Variants in ZC3H12B observed in about 807,000 individuals in gnomAD.
ZC3H12B encodes the protein probable ribonuclease ZC3H12B.
ZC3H12B carries 7 observed loss-of-function variants against 43.9 expected under a neutral mutation model. The observed-to-expected ratio is 0.16, with a 90% CI of 0.09 to 0.30. The LOEUF (loss-of-function observed/expected upper bound fraction) is 0.30. ZC3H12B is among the 10% of genes least tolerant of loss of function. The probability of loss-of-function intolerance (pLI) is 1.00; values close to 1 mark genes in which losing one functional copy is unlikely to be tolerated. For synonymous variants in ZC3H12B, 222 were observed against 241.7 expected (o/e 0.92, Z 0.76); for missense variants, 475 against 670.2 (o/e 0.71, Z 3.22).
the ZC3H12B span, among the ~76,000 whole-genome samples, chrX:65,322,353 T>C: frequency 8.9e-6 from 1 of 112,171 alleles, no homozygotes; most frequent in African/African-American, 3.2e-5. Flanking sequence ...ATATTGGAAA[T>C]TAAATTTCCA....
At chrX:65,453,076 A>G (rs1483357381) in intron 3 of ZC3H12B, among the ~76,000 whole-genome samples, 6 of 109,189 alleles carry the variant, frequency 5.5e-5, no homozygotes, top group African/African-American at 2.0e-4. Context: ...AATCTGCTGG[A>G]GGCATCACAT....
chrX:65,376,328 C>A (rs2066345614), intron 2 of ZC3H12B, among the ~76,000 whole-genome samples: 1 of 111,886 alleles, frequency 8.9e-6, no homozygotes, highest in Non-Finnish European at 1.9e-5. Context: ...TTCTGGACTG[C>A]CCTGGTACTG....
the ZC3H12B span, chrX:65,331,355 G>A: frequency 3.6e-5 from 4 of 111,311 alleles, no homozygotes; most frequent in Non-Finnish European, 7.5e-5. Flanking sequence ...TGAAATTGGA[G>A]AGCATTGAGA....
chrX:65,488,820 G>T, exon 1 of ZC3H12B: 5 of 1,200,499 alleles, frequency 4.2e-6, no homozygotes, highest in Non-Finnish European at 3.4e-6. Context: ...CACAGCTGAG[G>T]TAGAGACACC....
intron 2 of ZC3H12B, among the ~76,000 whole-genome samples, chrX:65,396,122 T>A (rs989311057): frequency 8.9e-6 from 1 of 111,752 alleles, no homozygotes. Flanking sequence ...GTTAATCTTT[T>A]CAAAAAACCA....
At chrX:65,458,933 A>G (rs761306272) in intron 3 of ZC3H12B, among the ~76,000 whole-genome samples, 29 of 111,424 alleles carry the variant, frequency 2.6e-4, no homozygotes, top group Middle Eastern at 4.6e-3. Context: ...TGGTTTTTTG[A>G]AAAGATCAAC....
At chrX:65,163,135 C>G in the ZC3H12B span, among the ~76,000 whole-genome samples, 6 of 110,587 alleles carry the variant, frequency 5.4e-5, no homozygotes, top group South Asian at 3.9e-4. Context: ...GAAGTTTTGT[C>G]TCAGAGGAAT....
At chrX:65,190,091 A>G in the ZC3H12B span, among the ~76,000 whole-genome samples, 1 of 111,429 alleles carries the variant, frequency 9.0e-6, no homozygotes, top group East Asian at 2.8e-4. Context: ...CAGGTTTGTC[A>G]AAGATCAGAT....
the ZC3H12B span, among the ~76,000 whole-genome samples, chrX:65,351,416 T>C: frequency 8.9e-6 from 1 of 112,044 alleles, no homozygotes; most frequent in African/African-American, 3.2e-5. Flanking sequence ...GGCAAAGACT[T>C]CATGTCTAAA....
intron 2 of ZC3H12B, among the ~76,000 whole-genome samples, chrX:65,377,745 C>G (rs1480612375): frequency 9.0e-6 from 1 of 111,402 alleles, no homozygotes; most frequent in Non-Finnish European, 1.9e-5. Flanking sequence ...CACACTTACC[C>G]TACATCAAAT....
chrX:65,414,977 T>A (rs777529734), intron 3 of ZC3H12B, among the ~76,000 whole-genome samples: 1 of 112,315 alleles, frequency 8.9e-6, no homozygotes, highest in African/African-American at 3.2e-5. Flanking sequence ...CCTAAGAACA[T>A]GTGCCCAACA....
At chrX:65,158,402 G>A in the ZC3H12B span, among the ~76,000 whole-genome samples, 21 of 111,450 alleles carry the variant, frequency 1.9e-4, no homozygotes, top group Admixed American at 1.4e-3. Flanking sequence ...GTGTAAAAGT[G>A]TTCCTATTTC....
chrX:65,318,436 CAG>C, the ZC3H12B span, among the ~76,000 whole-genome samples: 1 of 100,868 alleles, frequency 9.9e-6, no homozygotes, highest in Non-Finnish European at 2.0e-5. Flanking sequence ...TTTTTTGAGA[CAG>C]AGTTTCACTC....
At chrX:65,169,050 C>T in the ZC3H12B span, among the ~76,000 whole-genome samples, 1 of 111,213 alleles carries the variant, frequency 9.0e-6, no homozygotes, top group Non-Finnish European at 1.9e-5. Context: ...CTGCTCTGAT[C>T]TTAGTTATTT....
chrX:65,434,756 G>A (rs2067200483), intron 3 of ZC3H12B, among the ~76,000 whole-genome samples: 1 of 111,060 alleles, frequency 9.0e-6, no homozygotes, highest in Non-Finnish European at 1.9e-5. Context: ...GAAAAGAAGG[G>A]TAGTGGGTGA....
chrX:65,165,801 G>A, the ZC3H12B span, among the ~76,000 whole-genome samples: 1 of 112,003 alleles, frequency 8.9e-6, no homozygotes, highest in Non-Finnish European at 1.9e-5. Context: ...AATCTTTTGG[G>A]TGTATACCCA....
chrX:65,214,430 A>G, the ZC3H12B span, among the ~76,000 whole-genome samples: 1 of 111,781 alleles, frequency 8.9e-6, no homozygotes, highest in East Asian at 2.8e-4. Flanking sequence ...TATTCTAAAT[A>G]TGTTGTGTCA....
chrX:65,337,557 T>C, the ZC3H12B span, among the ~76,000 whole-genome samples: 129 of 112,360 alleles, frequency 1.1e-3, 1 homozygote, highest in Non-Finnish European at 1.9e-3. Context: ...GTGATGGGCA[T>C]GTTCATTCAC....
At chrX:65,356,858 C>G in the ZC3H12B span, 1 of 319,805 alleles carries the variant, frequency 3.1e-6, no homozygotes, top group Non-Finnish European at 5.9e-6. Context: ...TCCAGGAGGT[C>G]CAGTCGAAAG....
Sources: allele counts gnomAD v4.1 joint callset (sites outside exome capture counted in the v4.1 genomes callset), GRCh38; gene constraint gnomAD v4.1.1; transcripts MANE v1.5; gene names NCBI Gene and HGNC (gene_info 2026-07-23, HGNC 2026-07-21).